SEMA6D: variants seen among roughly 807,000 people sequenced by gnomAD.
The protein encoded by SEMA6D is semaphorin-6D.
Under a neutral mutation model 106.6 loss-of-function variants are expected in SEMA6D, and 35 were observed. The ratio of observed to expected loss-of-function variants is 0.33; its 90% CI spans 0.25 to 0.44. SEMA6D has a LOEUF of 0.44. SEMA6D is among the 20% of genes least tolerant of loss of function. The pLI is 1.00. For missense variants in SEMA6D, 1,185 were observed against 1,345.9 expected (o/e 0.88, Z 1.87); for synonymous variants, 499 against 487.7 (o/e 1.02, Z -0.31).
At chr15:47,611,465 A>T (rs1232050072) in intron 4 of SEMA6D, among the ~76,000 whole-genome samples, 2 of 152,236 alleles carry the variant, frequency 1.3e-5, no homozygotes, top group Non-Finnish European at 2.9e-5. Flanking sequence ...AAACCAGATT[A>T]TAGCACTTTG....
Position 47,450,357 on chromosome 15 carries a change from C to T in SEMA6D, c.-158-20117C>T, listed in dbSNP as rs190353098. Among the ~76,000 whole-genome samples the T allele has an allele frequency of 2.0e-5, 3 of 152,174 alleles. No individual in the cohort carries two copies. The East Asian group carries it at 5.8e-4, about 30-fold the overall frequency. ...ATGCAATGCTCCCACCTCCAGTATA[C>T]TGATCAGGACATCACCATGCCTCTT... On this transcript the variant is annotated intron_variant, in intron 2 of 19. Coordinates refer to the SEMA6D transcript ENST00000558014.
intron 4 of SEMA6D, among the ~76,000 whole-genome samples, chr15:47,658,411 T>A (rs2077847648): frequency 6.6e-6 from 1 of 152,152 alleles, no homozygotes; most frequent in South Asian, 2.1e-4. Context: ...AAAGAAACAT[T>A]ACTACAAAAG....
chr15:47,768,076 C>T lies in SEMA6D; in HGVS notation c.1766-505C>T, dbSNP rs554753324. Among the ~76,000 whole-genome samples the T allele has an allele frequency of 2.6e-5, 4 of 152,270 alleles. No homozygotes were observed. In the East Asian group the frequency reaches 7.7e-4, roughly 29 times the overall value. On this transcript the variant is annotated intron_variant, in intron 17 of 18. Transcript: ENST00000536845. Reference sequence around the variant, plus strand: ...AATGGACAGGAGCCCCTGGTAACAACCTCTTAGGCAGAGCTGGTTTGTCAC... The same window carrying T: ...AATGGACAGGAGCCCCTGGTAACAATCTCTTAGGCAGAGCTGGTTTGTCAC...
intron 2 of SEMA6D, among the ~76,000 whole-genome samples, chr15:47,437,766 AT>A (rs760615543): frequency 6.6e-6 from 1 of 151,900 alleles, no homozygotes; most frequent in African/African-American, 2.4e-5. Context: ...ATAATTACAA[AT>A]TTTCTTTTCC....
intron 3 of SEMA6D, among the ~76,000 whole-genome samples, chr15:47,571,462 T>G (rs985861157): frequency 6.6e-6 from 1 of 152,188 alleles, no homozygotes; most frequent in Non-Finnish European, 1.5e-5. Flanking sequence ...AGTCAAAGGG[T>G]AAGTCTTTGA....
chr15:47,651,172 G>A (rs1252999598), intron 4 of SEMA6D, among the ~76,000 whole-genome samples: 1 of 152,170 alleles, frequency 6.6e-6, no homozygotes, highest in Non-Finnish European at 1.5e-5. Flanking sequence ...CACTTTGGGA[G>A]GCTGAGGCAT....
intron 2 of SEMA6D, among the ~76,000 whole-genome samples, chr15:47,416,750 T>C (rs1445287126): frequency 6.6e-6 from 1 of 152,082 alleles, no homozygotes; most frequent in Non-Finnish European, 1.5e-5. Context: ...TTGACAGAGA[T>C]TCTAGTAGGG....
intron 4 of SEMA6D, among the ~76,000 whole-genome samples, chr15:47,660,644 AT>A (rs1269982141): frequency 1.3e-5 from 2 of 152,162 alleles, no homozygotes; most frequent in East Asian, 3.8e-4. Flanking sequence ...ATTTTATAAT[AT>A]TTGATTTTTT....
intron 1 of SEMA6D, among the ~76,000 whole-genome samples, chr15:47,301,749 G>A (rs2036029980): frequency 6.6e-6 from 1 of 152,212 alleles, no homozygotes; most frequent in Admixed American, 6.5e-5. Context: ...GACGGGCAGT[G>A]ACCATAGGGC....
At chr15:47,285,323 C>T (rs1247051969) in intron 1 of SEMA6D, among the ~76,000 whole-genome samples, 2 of 151,894 alleles carry the variant, frequency 1.3e-5, no homozygotes, top group African/African-American at 4.8e-5. Context: ...TATATAATCT[C>T]CAGCAAGGAC....
chr15:47,393,872 T>C (rs550013924), intron 1 of SEMA6D, among the ~76,000 whole-genome samples: 1 of 152,250 alleles, frequency 6.6e-6, no homozygotes, highest in Non-Finnish European at 1.5e-5. Flanking sequence ...ATGTAAAGCT[T>C]TGTGCTTTAT....
chr15:47,594,121 G>C lies in SEMA6D; in HGVS notation c.-86-6744G>C, dbSNP rs1438382362. ...CATCTCCTGTGCAGCAAGAGGGACA[G>C]ATGCTATCAAGGCTTAAACACTATG... On this transcript the variant is annotated intron_variant, in intron 3 of 19. Coordinates refer to the SEMA6D transcript ENST00000558014. 3.3e-5 allele frequency among the ~76,000 whole-genome samples: 5 copies of C among 152,340 alleles called. No homozygotes were observed. The East Asian group carries it at 9.7e-4, about 29-fold the overall frequency.
intron 2 of SEMA6D, among the ~76,000 whole-genome samples, chr15:47,444,609 G>T (rs2041975325): frequency 6.6e-6 from 1 of 152,120 alleles, no homozygotes; most frequent in Non-Finnish European, 1.5e-5. Context: ...ATTACTCTAA[G>T]TCAGACAAAA....
intron 4 of SEMA6D, among the ~76,000 whole-genome samples, chr15:47,620,645 T>C (rs2077080943): frequency 6.6e-6 from 1 of 151,998 alleles, no homozygotes; most frequent in Non-Finnish European, 1.5e-5. Context: ...CTAAAGGCAG[T>C]AAATTAGGAA....
chr15:47,737,653 G>A (rs1274641158), intron 1 of SEMA6D, among the ~76,000 whole-genome samples: 3 of 152,066 alleles, frequency 2.0e-5, no homozygotes, highest in Non-Finnish European at 4.4e-5. Flanking sequence ...CATGAGGCTA[G>A]TGTAATATAC....
chr15:47,428,241 G>GCA (rs2041410042), intron 2 of SEMA6D, among the ~76,000 whole-genome samples: 1 of 151,902 alleles, frequency 6.6e-6, no homozygotes, highest in Non-Finnish European at 1.5e-5. Flanking sequence ...TATATACCCA[G>GCA]CACCACGACA....
intron 3 of SEMA6D, among the ~76,000 whole-genome samples, chr15:47,519,635 A>G (rs1293441280): frequency 6.6e-6 from 1 of 152,232 alleles, no homozygotes; most frequent in East Asian, 1.9e-4. Flanking sequence ...CTACTTGCCC[A>G]GGGATGTAGC....
intron 1 of SEMA6D, among the ~76,000 whole-genome samples, chr15:47,737,705 AGTTT>A (rs1596884350): frequency 6.6e-6 from 1 of 152,238 alleles, no homozygotes; most frequent in South Asian, 2.1e-4. Flanking sequence ...AGCTGTTTCC[AGTTT>A]GTTCACCATT....
intron 3 of SEMA6D, among the ~76,000 whole-genome samples, chr15:47,579,361 C>T (rs796561922): frequency 2.0e-5 from 3 of 152,058 alleles, no homozygotes; most frequent in African/African-American, 7.2e-5. Context: ...AGGCTGGTCT[C>T]GAACTCCTGA....
Sources: allele counts gnomAD v4.1 joint callset (sites outside exome capture counted in the v4.1 genomes callset), GRCh38; gene constraint gnomAD v4.1.1; transcripts MANE v1.5; gene names NCBI Gene and HGNC (gene_info 2026-07-23, HGNC 2026-07-21).